FANCM: variants seen among roughly 807,000 people sequenced by gnomAD.
FANCM encodes the protein FA complementation group M.
FANCM carries 140 observed loss-of-function variants against 199.5 expected under a neutral mutation model. The observed-to-expected ratio is 0.70, with a 90% CI of 0.61 to 0.81. FANCM has a LOEUF of 0.81. Ranked by LOEUF, FANCM falls within the 30% of genes least tolerant of loss-of-function variation. The pLI is 0.00. For synonymous variants in FANCM, 840 were observed against 836.8 expected (o/e 1.00, Z -0.07); for missense variants, 2,410 against 2,421.4 (o/e 1.00, Z 0.10).
intron 9 of FANCM, 120 bp downstream of exon 9, chr14:45,159,400 C>A: frequency 9.1e-6 from 6 of 657,844 alleles, no homozygotes; most frequent in East Asian, 2.9e-5. Flanking sequence ...TTACAGTAAA[C>A]GTGTAGGTAA....
chr14:45,159,318 T>C (rs1191909426), intron 9 of FANCM, 38 bp downstream of exon 9: 2 of 1,458,322 alleles, frequency 1.4e-6, no homozygotes, highest in African/African-American at 1.4e-5. Flanking sequence ...AAAAATAAGA[T>C]TGATTAGCTT....
At chr14:45,168,654 A>G (rs930975186) in intron 11 of FANCM, among the ~76,000 whole-genome samples, 15 of 149,924 alleles carry the variant, frequency 1.0e-4, no homozygotes, top group Non-Finnish European at 2.1e-4. Context: ...GAATAATTCT[A>G]TAATTCTGTA....
chr14:45,153,864 G>GA, intron 5 of FANCM, 56 bp from the exon 6 acceptor site: 1 of 1,416,370 alleles, frequency 7.1e-7, no homozygotes. Context: ...CTTGGGCATG[G>GA]AGCATGTATG....
intron 19 of FANCM, among the ~76,000 whole-genome samples, 191 bp from the exon 20 acceptor site, chr14:45,188,611 C>A (rs1889558222): frequency 6.6e-6 from 1 of 152,104 alleles, no homozygotes; most frequent in South Asian, 2.1e-4. Flanking sequence ...GTAAATCATT[C>A]TTTTCCTTTA....
At chr14:45,183,666 CATTAAT>C (rs2139277144) in intron 16 of FANCM, 102 bp from the exon 17 acceptor site, 1 of 697,988 alleles carries the variant, frequency 1.4e-6, no homozygotes, top group Non-Finnish European at 2.5e-6. Context: ...GTATTTATAA[CATTAAT>C]ATTATGTATT....
At chr14:45,161,512 C>G (rs570724642) in intron 9 of FANCM, among the ~76,000 whole-genome samples, 1 of 152,270 alleles carries the variant, frequency 6.6e-6, no homozygotes, top group Non-Finnish European at 1.5e-5. Flanking sequence ...GACACTGTGG[C>G]TCATGACTGT....
intron 18 of FANCM, among the ~76,000 whole-genome samples, chr14:45,185,894 T>C (rs1227866576): frequency 1.3e-5 from 2 of 152,168 alleles, no homozygotes; most frequent in Non-Finnish European, 2.9e-5. Context: ...TTTATTGTAT[T>C]ATTTTTTAGT....
At position 45,153,902 on chromosome 14, in the gene FANCM, C is replaced by G; in HGVS notation, c.1051-18C>G. On this transcript the variant is annotated intron_variant, in intron 5 of 22. Coordinates refer to ENST00000267430, the MANE Select transcript of FANCM (RefSeq NM_020937.4). ...CATTTATTTCTCTGGTTAAATTTGACATATGCTGTTTTTCTAGGGAATACA... is the reference window on the plus strand; with the variant it reads ...CATTTATTTCTCTGGTTAAATTTGAGATATGCTGTTTTTCTAGGGAATACA... The G allele has an allele frequency of 6.2e-7, 1 of 1,604,528 alleles. No homozygotes were observed. Among genetic ancestry groups the G allele is most frequent in the Non-Finnish European group, 8.5e-7 (1 of 1,171,604 alleles).
rs2139102563 is a variant in FANCM, at chr14:45,136,356, G to C, written c.325G>C (p.Val109Leu). 1 of 1,614,174 alleles carries C rather than the reference G, an allele frequency of 6.2e-7. No individual in the cohort carries two copies. Among genetic ancestry groups the C allele is most frequent in the South Asian group, 1.1e-5 (1 of 91,084 alleles). ...GGCTGCTCTGTTTTGCAATACGCTGGTGTGTCTGCCTACCGGACTGGGAAA... is the reference window on the plus strand; with the variant it reads ...GGCTGCTCTGTTTTGCAATACGCTGCTGTGTCTGCCTACCGGACTGGGAAA... ...SRAALFCNTL[V>L]CLPTGLGKTF... is the part of the protein sequence containing the mutation. The change falls in exon 1 of 23, where the codon GTG becomes CTG. Residue 109 changes from valine (V) to leucine (L), a missense_variant. Val to Leu is a conservative substitution (Grantham distance 32). Coordinates refer to ENST00000267430, the MANE Select transcript of FANCM (RefSeq NM_020937.4).
chr14:45,185,629 C>T (rs1889353435), intron 18 of FANCM, among the ~76,000 whole-genome samples: 1 of 152,078 alleles, frequency 6.6e-6, no homozygotes, highest in African/African-American at 2.4e-5. Flanking sequence ...GTTCATTTCA[C>T]AAGTGTTTAT....
chr14:45,189,458 A>G (rs182557084), intron 20 of FANCM, 96 bp downstream of exon 20: 128 of 1,003,750 alleles, frequency 1.3e-4, no homozygotes, highest in Non-Finnish European at 1.6e-4. Context: ...TAACTAGGTC[A>G]AAGAAAAATT....
chr14:45,160,167 T>A (rs1887493429), intron 9 of FANCM, among the ~76,000 whole-genome samples: 1 of 151,228 alleles, frequency 6.6e-6, no homozygotes, highest in Admixed American at 6.6e-5. Context: ...CTAATTTTTG[T>A]ATTTTTAGTA....
chr14:45,189,059 T>G lies in FANCM; in HGVS notation c.5037T>G (p.Asn1679Lys). Residue 1679 changes from asparagine to lysine, a missense_variant, in exon 20 of 23, where the codon AAT becomes AAG. Asn to Lys is a moderately conservative substitution (Grantham distance 94). Coordinates refer to ENST00000267430, the MANE Select transcript of FANCM (RefSeq NM_020937.4). ...LPDDSSEEEN[N>K]VNDKRESNIA... is the part of the protein sequence containing the mutation. ...ATGATTCAAGTGAGGAGGAGAACAA[T>G]GTAAATGATAAAAGAGAATCTAATA... The G allele has an allele frequency of 1.9e-6, 3 of 1,614,104 alleles. No individual in the cohort carries two copies. Among genetic ancestry groups the G allele is most frequent in the Non-Finnish European group, 2.5e-6 (3 of 1,179,954 alleles).
intron 20 of FANCM, among the ~76,000 whole-genome samples, chr14:45,192,863 C>T (rs143523190): frequency 2.0e-4 from 31 of 151,888 alleles, no homozygotes; most frequent in African/African-American, 6.8e-4. Flanking sequence ...TCAGCTAAAA[C>T]GTTAGTGAAT....
At chr14:45,178,952 A>G (rs1888882918) in intron 14 of FANCM, among the ~76,000 whole-genome samples, 1 of 152,168 alleles carries the variant, frequency 6.6e-6, no homozygotes, top group South Asian at 2.1e-4. Context: ...TAATCCCAGC[A>G]CTTTGGAAGG....
chr14:45,199,751 C>T (rs572690238), intron 22 of FANCM, 119 bp from the exon 23 acceptor site: 70 of 841,792 alleles, frequency 8.3e-5, no homozygotes, highest in South Asian at 2.6e-4. Context: ...ATCAGCTGGG[C>T]GGATAATGCT....
rs1016099459 is a variant in FANCM, at chr14:45,189,036, G to A, written c.5014G>A (p.Asp1672Asn). ...KKLSRIILPD[D>N]SSEEENNVND... ...ATTATCCAGAATTATTTTACCAGAT[G>A]ATTCAAGTGAGGAGGAGAACAATGT... The change falls in exon 20 of 23, where the codon GAT (aspartate) becomes AAT (asparagine). Residue 1672 changes from aspartate to asparagine, a missense_variant. Transcript: ENST00000267430. 1 of 1,613,808 alleles carries A rather than the reference G, an allele frequency of 6.2e-7. No homozygotes were observed. Among genetic ancestry groups the A allele is most frequent in the Non-Finnish European group, 8.5e-7 (1 of 1,179,818 alleles).
chr14:45,137,575 A>G (rs1014254553), intron 2 of FANCM: 12 of 313,484 alleles, frequency 3.8e-5, no homozygotes, highest in African/African-American at 2.4e-4. Flanking sequence ...TTTGAAATTA[A>G]TAAAGATTGG....
intron 20 of FANCM, among the ~76,000 whole-genome samples, chr14:45,194,985 G>C (rs1210875263): frequency 6.6e-6 from 1 of 152,094 alleles, no homozygotes; most frequent in Non-Finnish European, 1.5e-5. Context: ...CTGACCTCAA[G>C]TGATCCACTC....
Sources: gnomAD v4.1 joint callset for allele counts (sites outside exome capture counted in the v4.1 genomes callset) on GRCh38, gnomAD v4.1.1 for gene constraint, MANE v1.5 for transcripts, NCBI Gene and HGNC (gene_info 2026-07-23, HGNC 2026-07-21) for gene names.